Variants in RHOQ observed in about 807,000 individuals in gnomAD.
The protein encoded by RHOQ is rho-related GTP-binding protein RhoQ.
Under a neutral mutation model 25.8 loss-of-function variants are expected in RHOQ, and 7 were observed. The observed-to-expected ratio is 0.27, with a 90% CI of 0.15 to 0.51. The LOEUF is 0.51. RHOQ is among the 20% of genes least tolerant of loss of function. RHOQ has a pLI of 0.97. For synonymous variants in RHOQ, 97 were observed against 98.6 expected (o/e 0.98, Z 0.10); for missense variants, 165 against 260.6 (o/e 0.63, Z 2.53).
In RHOQ at chr2:46,576,149, C is replaced by T; in HGVS notation, c.264C>T (p.Phe88=). Residue 88 remains phenylalanine, a synonymous_variant, in exon 3 of 5, where the codon TTC becomes TTT. Coordinates refer to ENST00000238738, the MANE Select transcript of RHOQ (RefSeq NM_012249.4). The surrounding 1 kb of genome is among the most constrained non-coding windows in gnomAD (Gnocchi z 5.1). ...TGACCGATGTCTTCCTTATATGCTT[C>T]TCGGTGGTAAATCCAGCCTCATTTC... ...YPMTDVFLIC[F]SVVNPASFQN... The T allele has an allele frequency of 6.2e-7, 1 of 1,613,536 alleles. No homozygotes were observed. Among genetic ancestry groups the T allele is most frequent in the Non-Finnish European group, 8.5e-7 (1 of 1,179,728 alleles).
intron 2 of RHOQ, among the ~76,000 whole-genome samples, chr2:46,562,903 A>G (rs1479565753): frequency 6.6e-6 from 1 of 152,138 alleles, no homozygotes; most frequent in Non-Finnish European, 1.5e-5. Context: ...CTGCCTATTT[A>G]TTACTCTGCC....
intron 2 of RHOQ, among the ~76,000 whole-genome samples, chr2:46,553,007 G>T (rs1668289958): frequency 6.6e-6 from 1 of 152,204 alleles, no homozygotes; most frequent in Non-Finnish European, 1.5e-5. Context: ...GCCTTGAATG[G>T]TGGCACTGGT....
intron 2 of RHOQ, among the ~76,000 whole-genome samples, chr2:46,570,118 C>T (rs760730299): frequency 3.3e-5 from 5 of 152,118 alleles, no homozygotes; most frequent in Non-Finnish European, 7.4e-5. Flanking sequence ...AAAATGAACT[C>T]AAAAGTGTCA....
chr2:46,579,776 C>T (rs533585358), intron 4 of RHOQ, among the ~76,000 whole-genome samples: 1 of 150,994 alleles, frequency 6.6e-6, no homozygotes, highest in South Asian at 2.1e-4. Context: ...ACCCAGAAGG[C>T]AGAGGTTGTG....
At chr2:46,544,212 C>T (rs934657650) in intron 2 of RHOQ, among the ~76,000 whole-genome samples, 1 of 152,112 alleles carries the variant, frequency 6.6e-6, no homozygotes, top group African/African-American at 2.4e-5. Flanking sequence ...GCCCAAGGAG[C>T]CTGATTGGTG....
Position 46,571,465 on chromosome 2 carries a change from G to C in RHOQ, c.202-4622G>C, listed in dbSNP as rs149188986. Reference sequence around the variant, plus strand: ...TTTAACATATAGATACTTAATGAGAGAGCTTTGTAAATGTTTATAAGGTGT... The same window carrying C: ...TTTAACATATAGATACTTAATGAGACAGCTTTGTAAATGTTTATAAGGTGT... On this transcript the variant is annotated intron_variant, in intron 2 of 4. Coordinates refer to ENST00000238738, the MANE Select transcript of RHOQ (RefSeq NM_012249.4). 4.5e-3 allele frequency among the ~76,000 whole-genome samples: 679 copies of C among 152,302 alleles called. 5 individuals carry two copies. Among genetic ancestry groups the C allele is most frequent in the Admixed American group, 0.01 (160 of 15,302 alleles).
At position 46,580,610 on chromosome 2, in the gene RHOQ, T is replaced by G. The variant is rs761079054; in HGVS notation, c.463-318T>G. 7.2e-5 allele frequency: 14 copies of G among 193,966 alleles called. 1 individual carries two copies. The highest frequency in any genetic ancestry group is 1.4e-4 in the Non-Finnish European group (13 of 95,602). The allele number at this position is 193,966 out of a possible 1,614,324, so 12.0% of individuals were successfully genotyped here. A position where few individuals can be genotyped will look rare whatever the true frequency, so the allele number is the denominator to read the frequency against. On this transcript the variant is annotated intron_variant, in intron 4 of 4. Coordinates refer to ENST00000238738, the MANE Select transcript of RHOQ (RefSeq NM_012249.4). ...TCCCCTGTGCCTCTTACCCAGCAGA[T>G]GTCAGCACATGTGGACGCCACACAG...
At chr2:46,551,287 C>G (rs1668234515) in intron 2 of RHOQ, among the ~76,000 whole-genome samples, 1 of 152,192 alleles carries the variant, frequency 6.6e-6, no homozygotes, top group African/African-American at 2.4e-5. Flanking sequence ...CTTGAGCAGT[C>G]TCACCTCAGG....
At chr2:46,570,589 T>C (rs571454492) in intron 2 of RHOQ, among the ~76,000 whole-genome samples, 6 of 152,362 alleles carry the variant, frequency 3.9e-5, no homozygotes, top group African/African-American at 1.4e-4. Context: ...TCTGGACTTC[T>C]GTGTAGCACC....
At chr2:46,551,148 A>G (rs1204542722) in intron 2 of RHOQ, among the ~76,000 whole-genome samples, 5 of 152,150 alleles carry the variant, frequency 3.3e-5, no homozygotes, top group Non-Finnish European at 7.3e-5. Flanking sequence ...TCAGATGGAG[A>G]TTATGATAGT....
Position 46,581,450 on chromosome 2 carries a change from C to T in RHOQ, c.*367C>T. 4 of 1,603,242 alleles carry T rather than the reference C, an allele frequency of 2.5e-6. No individual in the cohort carries two copies. The highest frequency in any genetic ancestry group is 3.4e-6 in the Non-Finnish European group (4 of 1,175,098). Reference sequence around the variant, plus strand: ...TTCTGCCCAGCCCTTACAGAATCTGCACAAAGAAATATCTCCCTTTGCTCC... The same window carrying T: ...TTCTGCCCAGCCCTTACAGAATCTGTACAAAGAAATATCTCCCTTTGCTCC... On this transcript the variant is annotated 3_prime_UTR_variant, in exon 5 of 5. Transcript: ENST00000238738.
At position 46,582,376 on chromosome 2, in the gene RHOQ, G is replaced by A. The variant is rs1235465976; in HGVS notation, c.*1293G>A. 6.6e-6 allele frequency: 1 copy of A among 151,854 alleles called. No individual in the cohort carries two copies. Among genetic ancestry groups the A allele is most frequent in the Non-Finnish European group, 1.5e-5 (1 of 68,004 alleles). 9.4% of individuals were successfully genotyped at this position (151,854 alleles called of 1,614,324 possible). On this transcript the variant is annotated 3_prime_UTR_variant, in exon 5 of 5. Coordinates refer to ENST00000238738, the MANE Select transcript of RHOQ (RefSeq NM_012249.4). ...AGCCATTTCTAATCTTTCTCTGGGG[G>A]GAACAGGCCACAGAACTGTGTTAGA...
intron 2 of RHOQ, among the ~76,000 whole-genome samples, chr2:46,565,802 C>A (rs927360945): frequency 3.4e-4 from 52 of 152,216 alleles, no homozygotes; most frequent in African/African-American, 1.3e-3. Flanking sequence ...GAGCAATAGT[C>A]CCCTGCCCTC....
At chr2:46,558,151 A>C (rs1049350649) in intron 2 of RHOQ, among the ~76,000 whole-genome samples, 1 of 152,158 alleles carries the variant, frequency 6.6e-6, no homozygotes, top group African/African-American at 2.4e-5. Context: ...TCCCTCCTGC[A>C]CCTTCTAACC....
intron 2 of RHOQ, among the ~76,000 whole-genome samples, chr2:46,544,545 G>C (rs530697708): frequency 1.3e-5 from 2 of 152,322 alleles, no homozygotes; most frequent in East Asian, 3.9e-4. Context: ...GCAGCCTCTG[G>C]CCAGGGTTTG....
intron 2 of RHOQ, among the ~76,000 whole-genome samples, chr2:46,564,736 G>A (rs759799817): frequency 6.6e-6 from 1 of 152,238 alleles, no homozygotes; most frequent in Non-Finnish European, 1.5e-5. Flanking sequence ...TTAAAAGGAT[G>A]TGTGTAAGTA....
rs1667865208 is a variant in RHOQ at position 46,542,820 on chromosome 2, A to G, written c.-227A>G. 6.8e-6 allele frequency: 1 copy of G among 146,032 alleles called. No individual in the cohort carries two copies. Among genetic ancestry groups the G allele is most frequent in the South Asian group, 1.9e-4 (1 of 5,384 alleles). The allele number at this position is 146,032 out of a possible 1,614,324, so 9.0% of individuals were successfully genotyped here. A position where few individuals can be genotyped will look rare whatever the true frequency, so the allele number is the denominator to read the frequency against. ...GCGGGGGCAGCGGGCGGGCGCGGCGACCGGGGCCGGGGCGGGGATCCGGGC... is the reference window on the plus strand; with the variant it reads ...GCGGGGGCAGCGGGCGGGCGCGGCGGCCGGGGCCGGGGCGGGGATCCGGGC... On this transcript the variant is annotated 5_prime_UTR_variant, in exon 1 of 5. Transcript: ENST00000238738.
At chr2:46,545,033 C>T (rs1381504976) in intron 2 of RHOQ, among the ~76,000 whole-genome samples, 2 of 152,142 alleles carry the variant, frequency 1.3e-5, no homozygotes, top group Non-Finnish European at 2.9e-5. Flanking sequence ...CTTGATGTGA[C>T]CTCTGGTTTC....
chr2:46,550,061 C>G (rs556474651), intron 2 of RHOQ, among the ~76,000 whole-genome samples: 4 of 151,684 alleles, frequency 2.6e-5, no homozygotes, highest in African/African-American at 9.7e-5. Flanking sequence ...ACCCCCAATT[C>G]TACTAAATTT....
Sources: gnomAD v4.1 joint callset for allele counts (sites outside exome capture counted in the v4.1 genomes callset) on GRCh38, gnomAD v4.1.1 for gene constraint, Gnocchi (gnomAD v3.1) non-coding constraint, MANE v1.5 for transcripts, NCBI Gene and HGNC (gene_info 2026-07-23, HGNC 2026-07-21) for gene names.